Variants in ROR1 observed in about 807,000 individuals in gnomAD.
ROR1 encodes the protein inactive tyrosine-protein kinase transmembrane receptor ROR1.
ROR1 carries 19 observed loss-of-function variants against 78.8 expected under a neutral mutation model. The ratio of observed to expected loss-of-function variants is 0.24; its 90% CI spans 0.17 to 0.35. ROR1 has a LOEUF of 0.35. ROR1 is among the 10% of genes least tolerant of loss of function. The pLI, the probability that ROR1 is intolerant of heterozygous loss-of-function variation, is 1.00. For synonymous variants in ROR1, 386 were observed against 433.6 expected, an observed-to-expected ratio of 0.89 and a Z score of 1.36; for missense variants, 917 against 1,177.8, an observed-to-expected ratio of 0.78 and a Z score of 3.24.
intron 2 of ROR1, among the ~76,000 whole-genome samples, chr1:64,014,721 A>ATATATATATATATATATATATATG (rs200268487): frequency 0.012 from 643 of 55,236 alleles, 34 homozygotes; most frequent in Non-Finnish European, 0.017. Flanking sequence ...GACTATATAT[A>ATATATATATATATATATATATATG]TATATACACA....
At chr1:63,934,490 A>G (rs967514603) in intron 1 of ROR1, among the ~76,000 whole-genome samples, 3 of 152,182 alleles carry the variant, frequency 2.0e-5, no homozygotes, top group Non-Finnish European at 4.4e-5. Context: ...ATTAGGTGCT[A>G]TCATTGACAC....
intron 2 of ROR1, among the ~76,000 whole-genome samples, chr1:64,049,145 T>C (rs562658256): frequency 5.9e-4 from 90 of 152,326 alleles, no homozygotes; most frequent in Middle Eastern, 3.4e-3. Context: ...TCTGTCTGCC[T>C]CTGACCTGGC....
Position 63,884,344 on chromosome 1 carries a change from G to A in ROR1, c.91+109836G>A, listed in dbSNP as rs1043513416. Among the ~76,000 whole-genome samples the A allele has an allele frequency of 2.0e-5, 3 of 152,270 alleles. No homozygotes were observed. In the East Asian group the frequency reaches 5.8e-4, roughly 29 times the overall value. ...TGGTGCCTGCACTTGTGGGTGTTATGTGAGGGACACATGGAGACCAGTTTG... is the reference window on the plus strand; with the variant it reads ...TGGTGCCTGCACTTGTGGGTGTTATATGAGGGACACATGGAGACCAGTTTG... On this transcript the variant is annotated intron_variant, in intron 1 of 8. Coordinates refer to ENST00000371079, the MANE Select transcript of ROR1 (RefSeq NM_005012.4).
At chr1:63,844,205 G>A (rs1367080624) in intron 1 of ROR1, among the ~76,000 whole-genome samples, 1 of 152,170 alleles carries the variant, frequency 6.6e-6, no homozygotes, top group Non-Finnish European at 1.5e-5. Flanking sequence ...GGCTGTTATG[G>A]TTGTGTCTTT....
chr1:63,991,450 G>C (rs1285924543), intron 1 of ROR1, among the ~76,000 whole-genome samples: 1 of 152,184 alleles, frequency 6.6e-6, no homozygotes, highest in Admixed American at 6.5e-5. Context: ...CAAAGTCAAG[G>C]CAAAGTGGTC....
At chr1:64,041,846 A>G (rs897757382) in intron 2 of ROR1, among the ~76,000 whole-genome samples, 2 of 152,164 alleles carry the variant, frequency 1.3e-5, no homozygotes, top group African/African-American at 4.8e-5. Context: ...CCTGGTTTCC[A>G]GCAGGTTCAT....
chr1:64,030,036 A>G (rs1021264472), intron 2 of ROR1, among the ~76,000 whole-genome samples: 13 of 152,026 alleles, frequency 8.6e-5, no homozygotes, highest in African/African-American at 3.1e-4. Context: ...GATTTTTTTG[A>G]CTGTATTTTG....
Position 64,179,194 on chromosome 1 carries a change from A to C in ROR1, c.*339A>C. The C allele has an allele frequency of 4.7e-6, 1 of 214,492 alleles. No individual in the cohort carries two copies. Among genetic ancestry groups the C allele is most frequent in the Non-Finnish European group, 9.3e-6 (1 of 108,104 alleles). The allele number at this position is 214,492 out of a possible 1,614,324, so 13.3% of individuals were successfully genotyped here. On this transcript the variant is annotated 3_prime_UTR_variant, in exon 9 of 9. Transcript: ENST00000371079. ...GATTAAATATAAAACCAAAAGTCAA[A>C]TGGTGCTTTGTGTTTTAGCCTTCAG...
At chr1:63,991,233 A>G (rs1646293826) in intron 1 of ROR1, among the ~76,000 whole-genome samples, 1 of 152,060 alleles carries the variant, frequency 6.6e-6, no homozygotes, top group Non-Finnish European at 1.5e-5. Flanking sequence ...TTATAGACTG[A>G]GCCACCGTGC....
At chr1:63,842,662 A>G (rs1377527395) in intron 1 of ROR1, among the ~76,000 whole-genome samples, 1 of 151,964 alleles carries the variant, frequency 6.6e-6, no homozygotes, top group East Asian at 1.9e-4. Flanking sequence ...TATATCTTGC[A>G]TCTGTTCCCT....
chr1:63,859,172 G>T (rs886755670), intron 1 of ROR1, among the ~76,000 whole-genome samples: 2 of 152,130 alleles, frequency 1.3e-5, no homozygotes, highest in Admixed American at 6.5e-5. Flanking sequence ...CAACACAGTT[G>T]TATGAAGACC....
chr1:63,918,304 A>G (rs370278743), intron 1 of ROR1, among the ~76,000 whole-genome samples: 2 of 152,352 alleles, frequency 1.3e-5, no homozygotes, highest in South Asian at 2.1e-4. Context: ...TGAGCAGCAC[A>G]TCATACGACA....
intron 1 of ROR1, among the ~76,000 whole-genome samples, chr1:63,801,790 T>C (rs1345167674): frequency 6.6e-6 from 1 of 152,250 alleles, no homozygotes; most frequent in Non-Finnish European, 1.5e-5. Context: ...TATCTCACTT[T>C]AACTGCCTAG....
chr1:63,878,070 A>G (rs914588857), intron 1 of ROR1, among the ~76,000 whole-genome samples: 2 of 152,154 alleles, frequency 1.3e-5, no homozygotes, highest in African/African-American at 4.8e-5. Flanking sequence ...ATCACATGCC[A>G]TCTTTTTCTC....
intron 8 of ROR1, among the ~76,000 whole-genome samples, chr1:64,163,266 C>CACACACACACACAA (rs1557680459): frequency 7.8e-6 from 1 of 127,772 alleles, no homozygotes; most frequent in African/African-American, 2.8e-5. Flanking sequence ...CACACACACA[C>CACACACACACACAA]AATTCGCCAG....
At chr1:63,798,648 C>T (rs562596181) in intron 1 of ROR1, among the ~76,000 whole-genome samples, 3 of 152,168 alleles carry the variant, frequency 2.0e-5, no homozygotes, top group Admixed American at 1.3e-4. Context: ...ACACATAGTA[C>T]CCAGCACATA....
chr1:63,912,565 A>G (rs74077497), intron 1 of ROR1, among the ~76,000 whole-genome samples: 1 of 152,286 alleles, frequency 6.6e-6, no homozygotes, highest in African/African-American at 2.4e-5. Context: ...AGGCAAAGCA[A>G]TGCAAAAATA....
rs980013552 is a variant in ROR1, at chr1:63,945,954, A to G, written c.92-63351A>G. On this transcript the variant is annotated intron_variant, in intron 1 of 8. Coordinates refer to ENST00000371079, the MANE Select transcript of ROR1 (RefSeq NM_005012.4). ...CCCCAGGCCAGATCATAGAGGAATC[A>G]TCTCCCTCTTGTTCTGCCGGATCTT... is the stretch of plus-strand genomic sequence containing the variant. 5.9e-5 allele frequency among the ~76,000 whole-genome samples: 9 copies of G among 152,192 alleles called. No individual in the cohort carries two copies. The East Asian group carries it at 1.7e-3, about 29-fold the overall frequency.
At chr1:64,122,047 T>C (rs1648561054) in intron 4 of ROR1, among the ~76,000 whole-genome samples, 1 of 152,228 alleles carries the variant, frequency 6.6e-6, no homozygotes, top group African/African-American at 2.4e-5. Context: ...CATTGAAGGC[T>C]GCTCCCCTTA....
Sources: allele counts gnomAD v4.1 joint callset (sites outside exome capture counted in the v4.1 genomes callset), GRCh38; gene constraint gnomAD v4.1.1; transcripts MANE v1.5; gene names NCBI Gene and HGNC (gene_info 2026-07-23, HGNC 2026-07-21).